The following MDH1 variants were observed in gnomAD, a reference collection of about 807,000 sequenced individuals.
MDH1 encodes the protein malate dehydrogenase, cytoplasmic.
Under a neutral mutation model 38.7 loss-of-function variants are expected in MDH1, and 15 were observed. That is an observed-to-expected ratio of 0.39 (90% CI 0.26 to 0.60). The LOEUF is 0.60. MDH1 is among the 20% of genes least tolerant of loss of function. MDH1 has a pLI of 0.56. For synonymous variants in MDH1, 144 were observed against 143.6 expected (o/e 1.00, Z -0.02); for missense variants, 368 against 405.2 (o/e 0.91, Z 0.79).
intron 5 of MDH1, among the ~76,000 whole-genome samples, chr2:63,602,019 TG>T (rs1301795835): frequency 6.6e-6 from 1 of 152,246 alleles, no homozygotes; most frequent in African/African-American, 2.4e-5. Context: ...GATCAATAGC[TG>T]GGTACCCCAG....
chr2:63,599,233 A>G lies in MDH1; in HGVS notation c.439A>G (p.Ile147Val). The change falls in exon 5 of 9, where the codon ATC (isoleucine) becomes GTC (valine). Residue 147 changes from isoleucine to valine, a missense_variant. Coordinates refer to ENST00000233114, the MANE Select transcript of MDH1 (RefSeq NM_005917.4). ...GACTGCTTCCAAGTCAGCTCCATCCATCCCCAAGGAGAACTTCAGTTGCTT... is the reference window on the plus strand; with the variant it reads ...GACTGCTTCCAAGTCAGCTCCATCCGTCCCCAAGGAGAACTTCAGTTGCTT... ...CLTASKSAPS[I>V]PKENFSCLTR... The G allele has an allele frequency of 1.9e-6, 3 of 1,613,702 alleles. No individual in the cohort carries two copies. Among genetic ancestry groups the G allele is most frequent in the East Asian group, 2.2e-5 (1 of 44,832 alleles).
At chr2:63,591,648 A>G (rs1212034265) in intron 1 of MDH1, among the ~76,000 whole-genome samples, 1 of 152,178 alleles carries the variant, frequency 6.6e-6, no homozygotes, top group Non-Finnish European at 1.5e-5. Context: ...ATCTGTTCAT[A>G]CTTTATACCC....
chr2:63,593,357 G>A (rs1709239019), intron 1 of MDH1: 2 of 315,186 alleles, frequency 6.3e-6, no homozygotes, highest in Non-Finnish European at 6.5e-6. Flanking sequence ...GCCTCCCAAA[G>A]TGCTGAGATT....
intron 1 of MDH1, chr2:63,590,552 A>C (rs2106593905): frequency 6.6e-6 from 1 of 152,300 alleles, no homozygotes; most frequent in South Asian, 2.1e-4. Flanking sequence ...AGATTACTTG[A>C]TAGCTTTATT....
At chr2:63,603,807 GC>G (rs1452429771) in intron 5 of MDH1, among the ~76,000 whole-genome samples, 2 of 152,032 alleles carry the variant, frequency 1.3e-5, no homozygotes, top group African/African-American at 4.8e-5. Context: ...ACAGACATGT[GC>G]CACCAAGCCC....
intron 5 of MDH1, 135 bp downstream of exon 5, chr2:63,599,427 T>C (rs1709380843): frequency 1.2e-6 from 1 of 842,634 alleles, no homozygotes; most frequent in Middle Eastern, 3.9e-4. Context: ...TTTATTAAAT[T>C]AAAAGTAAAT....
intron 5 of MDH1, among the ~76,000 whole-genome samples, chr2:63,601,337 G>C (rs760380611): frequency 6.6e-6 from 1 of 152,192 alleles, no homozygotes; most frequent in East Asian, 1.9e-4. Flanking sequence ...TAGCGACTTA[G>C]GGACTGTTTA....
chr2:63,597,357 T>G (rs974095722), intron 3 of MDH1, 42 bp from the exon 4 acceptor site: 1 of 1,325,374 alleles, frequency 7.5e-7, no homozygotes, highest in Non-Finnish European at 9.7e-7. Flanking sequence ...CTTCAAACTT[T>G]GATGTTTAAG....
chr2:63,598,050 TTC>T (rs1709351626), intron 4 of MDH1: 1 of 152,246 alleles, frequency 6.6e-6, no homozygotes, highest in Admixed American at 6.5e-5. Context: ...TGACTTATAG[TTC>T]TCTCTTTGTG....
At chr2:63,606,767 A>G (rs907806476) in intron 8 of MDH1, 95 bp from the exon 9 acceptor site, 23 of 838,328 alleles carry the variant, frequency 2.7e-5, no homozygotes, top group Non-Finnish European at 3.4e-5. Context: ...CAGACTTTAA[A>G]ACGATATACC....
chr2:63,594,466 T>G (rs900615857), intron 1 of MDH1, 22 bp from the exon 2 acceptor site: 1 of 1,542,222 alleles, frequency 6.5e-7, no homozygotes, highest in East Asian at 2.2e-5. Context: ...TTAAAGATGT[T>G]AATGGGTCTT....
chr2:63,598,987 A>C (rs1163969495), intron 4 of MDH1, among the ~76,000 whole-genome samples, 183 bp from the exon 5 acceptor site: 1 of 150,846 alleles, frequency 6.6e-6, no homozygotes, highest in East Asian at 1.9e-4. Flanking sequence ...AAAATTTTTT[A>C]TTACCATTTT....
Position 63,589,135 on chromosome 2 carries a change from C to T in MDH1, c.3+89C>T, listed in dbSNP as rs1709090962. ...CACTTTAGGGACTTTTGGGAGGCAGCTGTGCAAGGCACTGTCCTTCGCGCC... is the reference window on the plus strand; with the variant it reads ...CACTTTAGGGACTTTTGGGAGGCAGTTGTGCAAGGCACTGTCCTTCGCGCC... On this transcript the variant is annotated intron_variant, in intron 1 of 8. Coordinates refer to ENST00000233114, the MANE Select transcript of MDH1 (RefSeq NM_005917.4). 1.2e-6 allele frequency: 2 copies of T among 1,613,658 alleles called. 1 individual carries two copies. Among genetic ancestry groups the T allele is most frequent in the Admixed American group, 3.3e-5 (2 of 60,002 alleles).
chr2:63,603,240 G>A (rs1247850907), intron 5 of MDH1, among the ~76,000 whole-genome samples: 1 of 152,162 alleles, frequency 6.6e-6, no homozygotes, highest in East Asian at 1.9e-4. Context: ...ATAGGTGTGA[G>A]CCACCGCGCC....
rs370479356 is a variant in MDH1 at position 63,602,934 on chromosome 2, C to CTTTTTTTTTTTTTTTTTTTTTTTT, written c.499-1742_499-1719dup. On this transcript the variant is annotated intron_variant, in intron 5 of 8. Coordinates refer to ENST00000233114, the MANE Select transcript of MDH1 (RefSeq NM_005917.4). ...ACATAATACAGTTTATTTAACCGTTCTTTTTTTTTTTTTTTTTTTTTTTTT... is the reference window on the plus strand; with the variant it reads ...ACATAATACAGTTTATTTAACCGTTCTTTTTTTTTTTTTTTTTTTTTTTTTTTTTTTTTTTTTTTTTTTTTTTTT... Among the ~76,000 whole-genome samples, 8 of 131,536 alleles carry CTTTTTTTTTTTTTTTTTTTTTTTT rather than the reference C, an allele frequency of 6.1e-5. 1 individual carries two copies. The highest frequency in any genetic ancestry group is 1.0e-4 in the Non-Finnish European group (6 of 59,610). The allele number at this position is 131,536 out of a possible 152,430, so 86.3% of individuals were successfully genotyped here.
chr2:63,607,123 G>C lies in MDH1; in HGVS notation c.*136G>C. On this transcript the variant is annotated 3_prime_UTR_variant, in exon 9 of 9. Coordinates refer to ENST00000233114, the MANE Select transcript of MDH1 (RefSeq NM_005917.4). ...ACATTTTAAAGATTACGTGCTTCTT[G>C]GTACAGGTTTGTGAATGACAGTTTA... is the stretch of plus-strand genomic sequence containing the variant. The C allele has an allele frequency of 1.2e-6, 1 of 802,564 alleles. No homozygotes were observed. Among genetic ancestry groups the C allele is most frequent in the Non-Finnish European group, 1.8e-6 (1 of 543,678 alleles). The allele number at this position is 802,564 out of a possible 1,614,324, so 49.7% of individuals were successfully genotyped here. A position where few individuals can be genotyped will look rare whatever the true frequency, so the allele number is the denominator to read the frequency against.
At chr2:63,600,087 T>C (rs1250393488) in intron 5 of MDH1, 1 of 150,922 alleles carries the variant, frequency 6.6e-6, no homozygotes, top group Admixed American at 6.7e-5. Context: ...CTTTTTCTTC[T>C]AGAGAAGATA....
chr2:63,588,985 G>C lies in MDH1; in HGVS notation c.-59G>C. 1 of 1,613,820 alleles carries C rather than the reference G, an allele frequency of 6.2e-7. No individual in the cohort carries two copies. The highest frequency in any genetic ancestry group is 8.5e-7 in the Non-Finnish European group (1 of 1,179,770). On this transcript the variant is annotated 5_prime_UTR_variant, in exon 1 of 9. Transcript: ENST00000233114. ...TCCGAGTCAGTTCCGCGGTAGAGGTGACCTGACTCTCTGAGGCTCATTTTG... is the reference window on the plus strand; with the variant it reads ...TCCGAGTCAGTTCCGCGGTAGAGGTCACCTGACTCTCTGAGGCTCATTTTG...
At chr2:63,598,760 G>C (rs1709364078) in intron 4 of MDH1, among the ~76,000 whole-genome samples, 1 of 151,956 alleles carries the variant, frequency 6.6e-6, no homozygotes, top group Non-Finnish European at 1.5e-5. Flanking sequence ...TAAATTGCAG[G>C]CTATTTGGAG....
Sources: allele counts gnomAD v4.1 joint callset (sites outside exome capture counted in the v4.1 genomes callset), GRCh38; gene constraint gnomAD v4.1.1; transcripts MANE v1.5; gene names NCBI Gene and HGNC (gene_info 2026-07-23, HGNC 2026-07-21).